The following LIPC variants were observed in gnomAD, a reference collection of about 807,000 sequenced individuals.
LIPC encodes the protein lipase C, hepatic type.
In LIPC, 44 loss-of-function variants were observed where a neutral mutation model predicts 50.7. The observed-to-expected ratio is 0.87, with a 90% CI of 0.68 to 1.11. The LOEUF (loss-of-function observed/expected upper bound fraction) is 1.11. Among genes scored for constraint, LIPC ranks in the 50% most tolerant of loss-of-function variants. The pLI, the probability that LIPC is intolerant of heterozygous loss-of-function variation, is 0.00. For missense variants in LIPC, 697 were observed against 648.2 expected, an observed-to-expected ratio of 1.08 and a Z score of -0.82; for synonymous variants, 271 against 256.4, an observed-to-expected ratio of 1.06 and a Z score of -0.54.
chr15:58,493,064 C>G (rs1891637929), intron 1 of LIPC, among the ~76,000 whole-genome samples: 1 of 152,126 alleles, frequency 6.6e-6, no homozygotes. Flanking sequence ...ATGAAGAAAA[C>G]TGATTTAATA....
chr15:58,544,383 C>CT (rs1271145841), intron 4 of LIPC, among the ~76,000 whole-genome samples: 13 of 129,480 alleles, frequency 1.0e-4, no homozygotes, highest in Admixed American at 4.8e-4. Context: ...GGACATTTTT[C>CT]TTTTTCTCTT....
chr15:58,565,716 G>C (rs1456563159), intron 8 of LIPC: 1 of 995,000 alleles, frequency 1.0e-6, no homozygotes, highest in Admixed American at 5.8e-5. Context: ...CATTAGTTTT[G>C]GTTCCATTAA....
At chr15:58,503,433 G>A (rs1400790208) in intron 1 of LIPC, among the ~76,000 whole-genome samples, 2 of 152,166 alleles carry the variant, frequency 1.3e-5, no homozygotes, top group African/African-American at 2.4e-5. Context: ...GCCAGCCTCT[G>A]GATAACAGGG....
intron 7 of LIPC, 119 bp from the exon 8 acceptor site, chr15:58,563,386 G>C: frequency 1.2e-6 from 1 of 815,282 alleles, no homozygotes; most frequent in Non-Finnish European, 2.1e-6. Flanking sequence ...CACTAGTTTG[G>C]GAAATGCAGC....
intron 1 of LIPC, among the ~76,000 whole-genome samples, chr15:58,510,427 A>C (rs1892293094): frequency 1.3e-5 from 2 of 152,384 alleles, no homozygotes; most frequent in Admixed American, 6.5e-5. Flanking sequence ...GCACATAAAA[A>C]GGCACAGAGA....
chr15:58,504,712 T>A (rs111231282), intron 1 of LIPC, among the ~76,000 whole-genome samples: 3 of 152,344 alleles, frequency 2.0e-5, no homozygotes, highest in African/African-American at 7.2e-5. Context: ...CTACCATTAT[T>A]GTCAGAAACA....
chr15:58,455,577 A>T (rs1248976976), intron 1 of LIPC, among the ~76,000 whole-genome samples: 1 of 152,228 alleles, frequency 6.6e-6, no homozygotes, highest in Non-Finnish European at 1.5e-5. Context: ...TGAATGATTG[A>T]GTTTCAATGT....
intron 1 of LIPC, among the ~76,000 whole-genome samples, chr15:58,512,413 A>G (rs914457050): frequency 1.3e-5 from 2 of 152,150 alleles, no homozygotes; most frequent in African/African-American, 4.8e-5. Flanking sequence ...TTTTTCTCTA[A>G]GTTTTCTACA....
At chr15:58,528,249 G>C (rs745769574) in intron 1 of LIPC, among the ~76,000 whole-genome samples, 14 of 152,152 alleles carry the variant, frequency 9.2e-5, no homozygotes, top group Non-Finnish European at 1.8e-4. Flanking sequence ...TCCAGGGAGG[G>C]GAACATTCCT....
intron 1 of LIPC, among the ~76,000 whole-genome samples, chr15:58,445,224 C>G (rs550563417): frequency 1.3e-5 from 2 of 152,368 alleles, no homozygotes; most frequent in South Asian, 4.1e-4. Flanking sequence ...GTTTAGCTGG[C>G]TCATGTGTGA....
chr15:58,546,155 T>C, intron 5 of LIPC, among the ~76,000 whole-genome samples, 180 bp downstream of exon 5: 1 of 152,018 alleles, frequency 6.6e-6, no homozygotes, highest in Non-Finnish European at 1.5e-5. Flanking sequence ...AGGGTGCCTG[T>C]CCCCCAGCAG....
chr15:58,536,818 C>T (rs1055323121), intron 1 of LIPC, among the ~76,000 whole-genome samples: 1 of 152,170 alleles, frequency 6.6e-6, no homozygotes, highest in Non-Finnish European at 1.5e-5. Flanking sequence ...AAAATCATTG[C>T]CCTTTGCTGA....
At chr15:58,458,685 A>G (rs1894223956) in intron 1 of LIPC, among the ~76,000 whole-genome samples, 1 of 152,176 alleles carries the variant, frequency 6.6e-6, no homozygotes, top group African/African-American at 2.4e-5. Context: ...TCAGAAACCA[A>G]AGAACTCCCT....
At chr15:58,518,537 T>C (rs1397773331) in intron 1 of LIPC, among the ~76,000 whole-genome samples, 2 of 152,204 alleles carry the variant, frequency 1.3e-5, no homozygotes, top group African/African-American at 2.4e-5. Flanking sequence ...GCTCCACTCC[T>C]TCAGGCTCAG....
In LIPC at chr15:58,566,723, C is replaced by T. The variant is rs111724805; in HGVS notation, c.1389-1993C>T. Among the ~76,000 whole-genome samples the T allele has an allele frequency of 1.7e-3, 259 of 152,258 alleles. 2 individuals are homozygous for T. The highest frequency in any genetic ancestry group is 3.3e-3 in the Non-Finnish European group (222 of 68,016). ...AGAGAAGAAATTATTGGCCCTACAG[C>T]AAGACCAAGTATAATAACTGGCTAA... On this transcript the variant is annotated intron_variant, in intron 8 of 8. Coordinates refer to ENST00000299022, the MANE Select transcript of LIPC (RefSeq NM_000236.3).
chr15:58,513,994 C>T (rs1168100729), intron 1 of LIPC, among the ~76,000 whole-genome samples: 1 of 152,210 alleles, frequency 6.6e-6, no homozygotes, highest in East Asian at 1.9e-4. Context: ...CCGTGACGAG[C>T]TGGTGACAGG....
chr15:58,432,622 C>A (rs939598652), intron 1 of LIPC, among the ~76,000 whole-genome samples: 1 of 152,146 alleles, frequency 6.6e-6, no homozygotes, highest in African/African-American at 2.4e-5. Context: ...CTTTGTTTTG[C>A]TGCCAAAATT....
intron 6 of LIPC, among the ~76,000 whole-genome samples, chr15:58,552,111 C>T (rs904225575): frequency 7.9e-5 from 12 of 152,168 alleles, no homozygotes; most frequent in African/African-American, 2.4e-4. Context: ...AATCCTGTTT[C>T]GCCAGTGCCT....
chr15:58,512,665 T>A (rs553874261), intron 1 of LIPC, among the ~76,000 whole-genome samples: 2 of 152,296 alleles, frequency 1.3e-5, no homozygotes, highest in South Asian at 4.1e-4. Context: ...CCCACCCATC[T>A]TAAAGTGGCC....
Sources: allele counts gnomAD v4.1 joint callset (sites outside exome capture counted in the v4.1 genomes callset), GRCh38; gene constraint gnomAD v4.1.1; transcripts MANE v1.5; gene names NCBI Gene and HGNC (gene_info 2026-07-23, HGNC 2026-07-21).